Variants in MACF1 observed in about 807,000 individuals in gnomAD.
MACF1 encodes the protein microtubule-actin cross-linking factor 1.
Under a neutral mutation model 854.8 loss-of-function variants are expected in MACF1, and 193 were observed. The observed-to-expected ratio is 0.23, with a 90% confidence interval of 0.20 to 0.25. The LOEUF is 0.25. MACF1 is among the 10% of genes least tolerant of loss of function. The pLI, the probability that MACF1 is intolerant of heterozygous loss-of-function variation, is 1.00. For missense variants in MACF1, 7,722 were observed against 8,929.1 expected, an observed-to-expected ratio of 0.86 and a Z score of 5.45; for synonymous variants, 3,185 against 3,226.7, an observed-to-expected ratio of 0.99 and a Z score of 0.44.
intron 2 of MACF1, among the ~76,000 whole-genome samples, chr1:39,198,863 T>C (rs1243573322): frequency 6.6e-6 from 1 of 152,114 alleles, no homozygotes; most frequent in Non-Finnish European, 1.5e-5. Flanking sequence ...TAGCAATTAA[T>C]ATATACTGTT....
intron 56 of MACF1, among the ~76,000 whole-genome samples, chr1:39,382,695 A>AT (rs35318749): frequency 0.041 from 6,137 of 150,896 alleles, 333 homozygotes; most frequent in African/African-American, 0.12. Flanking sequence ...AAAAAAAAAA[A>AT]TTTTTTTTTA....
At chr1:39,303,697 C>CA (rs35773116) in intron 23 of MACF1, among the ~76,000 whole-genome samples, 3,960 of 104,352 alleles carry the variant, frequency 0.038, 122 homozygotes, top group East Asian at 0.2. Context: ...ACTAAAAATA[C>CA]AAAAAAAAAA....
intron 51 of MACF1, among the ~76,000 whole-genome samples, chr1:39,370,718 C>T (rs1056485690): frequency 2.9e-4 from 44 of 152,242 alleles, no homozygotes; most frequent in African/African-American, 9.1e-4. Flanking sequence ...GAAAGAAAAG[C>T]GTTTGATTGC....
chr1:39,410,354 A>T, intron 58 of MACF1: 1 of 1,613,722 alleles, frequency 6.2e-7, no homozygotes, highest in Non-Finnish European at 8.5e-7. Context: ...TACATAGAGG[A>T]CTGCTATGTT....
chr1:39,345,198 A>T (rs1209065268), intron 40 of MACF1, among the ~76,000 whole-genome samples: 1 of 152,260 alleles, frequency 6.6e-6, no homozygotes, highest in Non-Finnish European at 1.5e-5. Context: ...CTGAAAACAG[A>T]TGATTTTAGT....
At chr1:39,297,190 T>A (rs1239694383) in intron 20 of MACF1, among the ~76,000 whole-genome samples, 1 of 152,156 alleles carries the variant, frequency 6.6e-6, no homozygotes, top group Non-Finnish European at 1.5e-5. Context: ...CCTCCGAAAG[T>A]GCTGGGATTA....
At chr1:39,311,091 G>A (rs951828374) in intron 26 of MACF1, 91 bp downstream of exon 26, 1 of 1,390,112 alleles carries the variant, frequency 7.2e-7, no homozygotes, top group Non-Finnish European at 9.8e-7. Context: ...AAGAAATGAG[G>A]CAATAGACTC....
chr1:39,354,584 T>C (rs376359034), intron 44 of MACF1, among the ~76,000 whole-genome samples: 15 of 152,240 alleles, frequency 9.9e-5, no homozygotes, highest in East Asian at 9.6e-4. Context: ...TTTGTATTTT[T>C]AGTAGAGATG....
At position 39,322,673 on chromosome 1, in the gene MACF1, G is replaced by A. The variant is rs1646535533; in HGVS notation, c.4095G>A (p.Lys1365=). Residue 1365 remains lysine, a synonymous_variant, in exon 32 of 101, where the codon AAG becomes AAA. Transcript: ENST00000564288. ...FVESQQKSPG[K]RRRMLSSSDA... is the part of the protein sequence containing the mutation. ...AATCGCAGCAGAAATCCCCTGGCAA[G>A]CGCCGTCGCATGCTTTCCTCTTCAG... 1.2e-6 allele frequency: 2 copies of A among 1,614,132 alleles called. No homozygotes were observed. Among genetic ancestry groups the A allele is most frequent in the Non-Finnish European group, 1.7e-6 (2 of 1,179,994 alleles).
chr1:39,311,072 A>G (rs546236666), intron 26 of MACF1, 72 bp downstream of exon 26: 2 of 1,509,214 alleles, frequency 1.3e-6, no homozygotes, highest in Admixed American at 2.0e-5. Flanking sequence ...TGGCAAGAGT[A>G]TGGCACCTAA....
chr1:39,411,998 G>A (rs779271095), intron 58 of MACF1: 4 of 1,613,978 alleles, frequency 2.5e-6, no homozygotes, highest in Middle Eastern at 1.6e-4. Context: ...GTGCCTTTTA[G>A]CCCCAGGACT....
At position 39,485,855 on chromosome 1, in the gene MACF1, ATATT is replaced by A. The variant is rs892296348; in HGVS notation, c.*66_*69del. The A allele has an allele frequency of 1.4e-6, 2 of 1,460,680 alleles. No individual in the cohort carries two copies. The highest frequency in any genetic ancestry group is 1.8e-6 in the Non-Finnish European group (2 of 1,099,230). The allele number at this position is 1,460,680 out of a possible 1,614,324, so 90.5% of individuals were successfully genotyped here. A position where few individuals can be genotyped will look rare whatever the true frequency, so the allele number is the denominator to read the frequency against. ...GAATCCTGCTCCATACATTGGGTGT[ATATT>A]TATTCTGAACGGGAGAAGTTATATT... On this transcript the variant is annotated 3_prime_UTR_variant, in exon 101 of 101. Transcript: ENST00000564288.
At position 39,237,947 on chromosome 1, in the gene MACF1, T is replaced by G. The variant is rs74066714; in HGVS notation, c.171+6704T>G. Among the ~76,000 whole-genome samples, 1,493 of 152,266 alleles carry G rather than the reference T, an allele frequency of 9.8e-3. 21 individuals are homozygous for G. Among genetic ancestry groups the G allele is most frequent in the African/African-American group, 0.034 (1,404 of 41,538 alleles). ...TATATAAAAAGCCCCACAAAACTTG[T>G]CAATGTTGTTCCTTATTCTACAAAA... is the stretch of plus-strand genomic sequence containing the variant. On this transcript the variant is annotated intron_variant, in intron 2 of 100. Transcript: ENST00000564288.
chr1:39,115,228 G>GA (rs1642514954), intron 2 of MACF1, among the ~76,000 whole-genome samples: 1 of 152,204 alleles, frequency 6.6e-6, no homozygotes, highest in Non-Finnish European at 1.5e-5. Context: ...GGGCGAGGAG[G>GA]AAAGACTAGT....
rs1441030291 is a variant in MACF1 at position 39,444,814 on chromosome 1, C to T, written c.19584C>T (p.Ser6528=). Reference sequence around the variant, plus strand: ...TGGAGCAGAAGTGGCATGTGGTCAGCAGTAAGATGGAAGAAAGAAAGGTAC... The same window carrying T: ...TGGAGCAGAAGTGGCATGTGGTCAGTAGTAAGATGGAAGAAAGAAAGGTAC... ...ALLEQKWHVV[S]SKMEERKSKL... Residue 6528 remains serine (S), a synonymous_variant, in exon 80 of 101, where the codon AGC becomes AGT. Transcript: ENST00000564288. The T allele has an allele frequency of 6.2e-7, 1 of 1,608,488 alleles. No homozygotes were observed. The highest frequency in any genetic ancestry group is 1.7e-5 in the Admixed American group (1 of 59,620).
intron 2 of MACF1, among the ~76,000 whole-genome samples, chr1:39,093,837 G>A (rs560222982): frequency 1.6e-4 from 25 of 151,550 alleles, no homozygotes; most frequent in South Asian, 4.2e-4. Context: ...GCCTAGGCTG[G>A]AGTGCAGTGG....
chr1:39,286,460 G>GT (rs756005195), intron 14 of MACF1, among the ~76,000 whole-genome samples: 12,080 of 145,824 alleles, frequency 0.083, 697 homozygotes, highest in Non-Finnish European at 0.12. Flanking sequence ...CATGTGGCTA[G>GT]TTTTTTTTTT....
At chr1:39,412,155 T>C (rs1352434883) in intron 58 of MACF1, 4 of 1,613,926 alleles carry the variant, frequency 2.5e-6, no homozygotes, top group Admixed American at 1.7e-5. Flanking sequence ...ACAATGGCAG[T>C]TTGTCCCAGG....
At chr1:39,103,003 C>T (rs1365491479) in intron 2 of MACF1, 4 of 699,840 alleles carry the variant, frequency 5.7e-6, no homozygotes, top group East Asian at 2.7e-5. Flanking sequence ...CCCCACTTTC[C>T]ATTCATTAGA....
Sources: allele counts gnomAD v4.1 joint callset (sites outside exome capture counted in the v4.1 genomes callset), GRCh38; gene constraint gnomAD v4.1.1; transcripts MANE v1.5; gene names NCBI Gene and HGNC (gene_info 2026-07-23, HGNC 2026-07-21).